Variants in CADPS observed in about 807,000 individuals in gnomAD.
CADPS encodes the protein calcium dependent secretion activator.
CADPS carries 57 observed loss-of-function variants against 167.3 expected under a neutral mutation model. That is an observed-to-expected ratio of 0.34 (90% confidence interval 0.28 to 0.42). CADPS has a LOEUF of 0.42. Ranked by LOEUF, CADPS falls within the 20% of genes least tolerant of loss-of-function variation. CADPS has a pLI of 1.00. For synonymous variants in CADPS, 676 were observed against 635.3 expected (o/e 1.06, Z -0.96); for missense variants, 1,414 against 1,738.1 (o/e 0.81, Z 3.32).
intron 1 of CADPS, among the ~76,000 whole-genome samples, chr3:62,777,889 C>T (rs1016652031): frequency 2.0e-5 from 3 of 152,194 alleles, no homozygotes; most frequent in Admixed American, 2.0e-4. Flanking sequence ...AAAAAGCCAT[C>T]AGTATTTCTG....
chr3:62,822,810 C>T (rs2073242916), intron 1 of CADPS, among the ~76,000 whole-genome samples: 1 of 151,792 alleles, frequency 6.6e-6, no homozygotes, highest in Non-Finnish European at 1.5e-5. Context: ...CCACTGCATT[C>T]CAGCCTGTGC....
chr3:62,778,507 C>T (rs933372979), intron 1 of CADPS, among the ~76,000 whole-genome samples: 7 of 152,172 alleles, frequency 4.6e-5, no homozygotes, highest in African/African-American at 1.4e-4. Context: ...CTCCTTCCAG[C>T]CTCTGAATGA....
intron 1 of CADPS, among the ~76,000 whole-genome samples, chr3:62,865,103 G>C (rs1157901366): frequency 2.0e-5 from 3 of 152,078 alleles, no homozygotes; most frequent in Non-Finnish European, 4.4e-5. Flanking sequence ...TGCTATACTT[G>C]TCAGAAAAAT....
At chr3:62,853,500 C>T (rs1431878141) in intron 1 of CADPS, among the ~76,000 whole-genome samples, 1 of 151,880 alleles carries the variant, frequency 6.6e-6, no homozygotes, top group Non-Finnish European at 1.5e-5. Context: ...TGGCAGGTGC[C>T]TGTAATCCCA....
At chr3:62,702,106 C>T (rs1252941832) in intron 3 of CADPS, among the ~76,000 whole-genome samples, 1 of 152,014 alleles carries the variant, frequency 6.6e-6, no homozygotes, top group African/African-American at 2.4e-5. Flanking sequence ...TCGCCTTTTC[C>T]CCTCTAGTCT....
chr3:62,525,142 T>G (rs1365150718), intron 13 of CADPS, among the ~76,000 whole-genome samples: 1 of 152,150 alleles, frequency 6.6e-6, no homozygotes, highest in Non-Finnish European at 1.5e-5. Flanking sequence ...ATCTGATGGT[T>G]TGCTATGGGC....
chr3:62,872,855 T>TCAAAGGAATGGAATATTTTTGG (rs1324067479), intron 1 of CADPS, among the ~76,000 whole-genome samples: 1 of 152,206 alleles, frequency 6.6e-6, no homozygotes, highest in East Asian at 1.9e-4. Flanking sequence ...GTTTTCATTG[T>TCAAAGGAATGGAATATTTTTGG]CAAAGGAATG....
chr3:62,618,163 C>G (rs568515803), intron 6 of CADPS, among the ~76,000 whole-genome samples: 7 of 152,124 alleles, frequency 4.6e-5, no homozygotes, highest in African/African-American at 1.7e-4. Context: ...CTGCAGAATG[C>G]AAGCCATGAG....
intron 6 of CADPS, among the ~76,000 whole-genome samples, chr3:62,598,107 G>C (rs1398003688): frequency 6.6e-6 from 1 of 152,120 alleles, no homozygotes; most frequent in Non-Finnish European, 1.5e-5. Flanking sequence ...CGTTCCATGG[G>C]ATGTCACAAA....
chr3:62,478,033 C>T lies in CADPS; in HGVS notation c.3329+228G>A. The T allele has an allele frequency of 2.0e-6, 1 of 504,988 alleles. No homozygotes were observed. 31.3% of individuals were successfully genotyped at this position (504,988 alleles called of 1,614,324 possible). A position where few individuals can be genotyped will look rare whatever the true frequency, so the allele number is the denominator to read the frequency against. Reference sequence around the variant, plus strand: ...AGGGATCTTTTCCTCTTAAAGCCAACAACCATGAAAAAATTGGCAGCCAGA... The same window carrying T: ...AGGGATCTTTTCCTCTTAAAGCCAATAACCATGAAAAAATTGGCAGCCAGA... On this transcript the variant is annotated intron_variant, in intron 23 of 29. Coordinates refer to ENST00000383710, the MANE Select transcript of CADPS (RefSeq NM_003716.4). The surrounding 1 kb of genome is among the most constrained non-coding windows in gnomAD (Gnocchi z 5.7).
chr3:62,564,189 G>A (rs1257226379), intron 9 of CADPS, among the ~76,000 whole-genome samples: 1 of 152,074 alleles, frequency 6.6e-6, no homozygotes, highest in Non-Finnish European at 1.5e-5. Context: ...TTTTAGAAGA[G>A]ATGGGGTTTC....
At position 62,874,486 on chromosome 3, in the gene CADPS, T is replaced by G. The variant is rs2083286710; in HGVS notation, c.441+103A>C. 1 of 908,012 alleles carries G rather than the reference T, an allele frequency of 1.1e-6. No homozygotes were observed. The highest frequency in any genetic ancestry group is 2.8e-5 in the East Asian group (1 of 36,186). 56.2% of individuals were successfully genotyped at this position (908,012 alleles called of 1,614,324 possible). On this transcript the variant is annotated intron_variant, in intron 1 of 29. Coordinates refer to ENST00000383710, the MANE Select transcript of CADPS (RefSeq NM_003716.4). This position sits in a 1 kb window ranked among gnomAD's most constrained non-coding sequence, Gnocchi z 7.1. ...CTTTCCCCAGGGCGCGGTCTCCACC[T>G]CTCCTGCTCCTCCTCGCCAGCTGCG...
At chr3:62,728,879 G>A (rs1368188223) in intron 3 of CADPS, among the ~76,000 whole-genome samples, 1 of 151,894 alleles carries the variant, frequency 6.6e-6, no homozygotes, top group Non-Finnish European at 1.5e-5. Flanking sequence ...GTCCACTAGG[G>A]TGGATAACTG....
intron 6 of CADPS, among the ~76,000 whole-genome samples, chr3:62,627,498 G>A (rs1371772045): frequency 6.6e-6 from 1 of 152,080 alleles, no homozygotes; most frequent in Non-Finnish European, 1.5e-5. Flanking sequence ...AATTTCAAAT[G>A]CAGGGATTTA....
At chr3:62,839,895 T>C (rs935875515) in intron 1 of CADPS, among the ~76,000 whole-genome samples, 3 of 152,144 alleles carry the variant, frequency 2.0e-5, no homozygotes, top group Admixed American at 2.0e-4. Context: ...ATAGAATTGC[T>C]GAGATCTCTA....
chr3:62,767,609 T>C (rs148501505), intron 1 of CADPS, among the ~76,000 whole-genome samples: 3,394 of 152,282 alleles, frequency 0.022, 58 homozygotes, highest in South Asian at 0.05. Context: ...AGAATTTTGT[T>C]TGTGACACAG....
At chr3:62,631,121 C>G (rs1191513338) in intron 6 of CADPS, among the ~76,000 whole-genome samples, 2 of 151,968 alleles carry the variant, frequency 1.3e-5, no homozygotes, top group Admixed American at 1.3e-4. Context: ...CACACACACA[C>G]ACACACACAC....
chr3:62,738,829 T>G (rs911918133), intron 3 of CADPS, among the ~76,000 whole-genome samples: 17 of 152,208 alleles, frequency 1.1e-4, no homozygotes, highest in African/African-American at 3.6e-4. Flanking sequence ...GTGGTTTTAT[T>G]TACTGTAGCA....
chr3:62,753,498 G>C lies in CADPS; in HGVS notation c.831C>G (p.Phe277Leu), dbSNP rs776843736. ...ILSKEQLYEM[F>L]QNILGIKKFE... is the part of the protein sequence containing the mutation. ...ACTTCTTGATCCCAAGAATGTTCTG[G>C]AACATCTCATAGAGTTGCTCCTTGC... The change falls in exon 3 of 30, where the codon TTC (phenylalanine) becomes TTG (leucine). Residue 277 changes from phenylalanine to leucine, a missense_variant. Around this residue, in one of 6 missense-constraint regions of CADPS, gnomAD observed 522 missense variants for 559.5 expected, o/e 0.93. Transcript: ENST00000383710. The surrounding 1 kb of genome is among the most constrained non-coding windows in gnomAD (Gnocchi z 4.6). 3 of 1,614,044 alleles carry C rather than the reference G, an allele frequency of 1.9e-6. No homozygotes were observed. Among genetic ancestry groups the C allele is most frequent in the Non-Finnish European group, 2.5e-6 (3 of 1,180,004 alleles).
Sources: gnomAD v4.1 joint callset for allele counts (sites outside exome capture counted in the v4.1 genomes callset) on GRCh38, gnomAD v4.1.1 for gene constraint, gnomAD v4.1.1 regional missense constraint, Gnocchi (gnomAD v3.1) non-coding constraint, MANE v1.5 for transcripts, NCBI Gene and HGNC (gene_info 2026-07-23, HGNC 2026-07-21) for gene names.